The following TMEM230 variants were observed in gnomAD, a reference collection of about 807,000 sequenced individuals.
The protein encoded by TMEM230 is transmembrane protein 230, also known as UPF0414 transmembrane protein C20orf30.
TMEM230 carries 10 observed loss-of-function variants against 15.8 expected under a neutral mutation model. That is an observed-to-expected ratio of 0.63 (90% CI 0.39 to 1.07). TMEM230 has a LOEUF of 1.07. TMEM230 is among the 50% of genes least tolerant of loss of function. The pLI is 0.01. For missense variants in TMEM230, 165 were observed against 193.3 expected (o/e 0.85, Z 0.87); for synonymous variants, 67 against 76.9 (o/e 0.87, Z 0.68).
At position 5,106,272 on chromosome 20, in the gene TMEM230, G is replaced by C; in HGVS notation, c.327C>G (p.Ile109Met). ...TCAAAAACAGCACAGTGGCAAGTGC[G>C]ATGGCCTTATAAGGGATCTTAGGAG... The change falls in exon 4 of 5, where the codon ATC becomes ATG. Residue 109 changes from isoleucine to methionine, a missense_variant. Physicochemically the swap from Ile to Met is conservative, Grantham distance 10 (BLOSUM62 1). Transcript: ENST00000342308. The C allele has an allele frequency of 6.2e-7, 1 of 1,613,964 alleles. No individual in the cohort carries two copies. Among genetic ancestry groups the C allele is most frequent in the Non-Finnish European group, 8.5e-7 (1 of 1,179,956 alleles).
chr20:5,097,969 ATTTTTTTT>A (rs5840073), downstream of TMEM230, among the ~76,000 whole-genome samples: 4 of 67,252 alleles, frequency 5.9e-5, no homozygotes, highest in African/African-American at 1.9e-4. Flanking sequence ...CTAACTCAGG[ATTTTTTTT>A]TTTTTTTTTT....
intron 2 of TMEM230, among the ~76,000 whole-genome samples, chr20:5,111,335 G>A (rs1004827410): frequency 2.6e-5 from 4 of 151,532 alleles, no homozygotes; most frequent in African/African-American, 9.7e-5. Context: ...AACTGACCAG[G>A]CGCAGTGGCT....
intron 3 of TMEM230, among the ~76,000 whole-genome samples, chr20:5,094,167 C>A (rs1415001011): frequency 6.6e-6 from 1 of 150,746 alleles, no homozygotes; most frequent in Non-Finnish European, 1.5e-5. Flanking sequence ...CCATGGTGCT[C>A]AGGCTGGTCT....
At chr20:5,068,949 T>A in exon 4 of TMEM230, 1 of 420,330 alleles carries the variant, frequency 2.4e-6, no homozygotes, top group Non-Finnish European at 4.3e-6. Flanking sequence ...CCATGGGGAG[T>A]GGTCTGCGCC....
At chr20:5,084,018 C>T (rs1175414831) in intron 3 of TMEM230, among the ~76,000 whole-genome samples, 1 of 152,096 alleles carries the variant, frequency 6.6e-6, no homozygotes, top group African/African-American at 2.4e-5. Flanking sequence ...CACTCTCCAC[C>T]ATCAAGTAGG....
At chr20:5,103,003 C>T (rs933342964) in intron 4 of TMEM230, among the ~76,000 whole-genome samples, 3 of 152,162 alleles carry the variant, frequency 2.0e-5, no homozygotes, top group African/African-American at 4.8e-5. Context: ...GTGATAAAAT[C>T]GTATCAGCAG....
At chr20:5,106,398 TTA>T (rs1367101247) in intron 3 of TMEM230, 88 bp from the exon 3 acceptor site, 5 of 1,453,416 alleles carry the variant, frequency 3.4e-6, no homozygotes, top group Non-Finnish European at 4.6e-6. Context: ...TTTGTAATTT[TTA>T]TGTTTTTGTT....
downstream of TMEM230, among the ~76,000 whole-genome samples, chr20:5,065,197 A>C (rs2088640098): frequency 6.6e-6 from 1 of 152,040 alleles, no homozygotes; most frequent in South Asian, 2.1e-4. Flanking sequence ...GGTGGGAAAG[A>C]TCACCTGAGC....
rs1361997268 is a variant in TMEM230, at chr20:5,109,314, G to A, written c.288+18C>T. 6.3e-7 allele frequency: 1 copy of A among 1,592,270 alleles called. No homozygotes were observed. Among genetic ancestry groups the A allele is most frequent in the Non-Finnish European group, 8.6e-7 (1 of 1,163,478 alleles). ...GAAACACAGCCAGTCAGTCTTGTCA[G>A]TTCTCTTCTGCATTTACCTGAAGGT... On this transcript the variant is annotated intron_variant, in intron 3 of 4. Coordinates refer to ENST00000342308, the MANE Select transcript of TMEM230 (RefSeq NM_001009923.2).
intron 3 of TMEM230, among the ~76,000 whole-genome samples, chr20:5,076,101 C>G (rs2088985208): frequency 6.7e-6 from 1 of 149,620 alleles, no homozygotes; most frequent in African/African-American, 2.5e-5. Context: ...AGAGCAAGAC[C>G]CTGTCTAAAA....
At chr20:5,068,910 T>C in exon 4 of TMEM230, 1 of 347,138 alleles carries the variant, frequency 2.9e-6, no homozygotes, top group Non-Finnish European at 5.3e-6. Context: ...GGGACAGGAA[T>C]CCTCCTACCC....
the TMEM230 span, among the ~76,000 whole-genome samples, chr20:5,060,257 C>T: frequency 3.3e-5 from 5 of 151,476 alleles, no homozygotes; most frequent in African/African-American, 1.2e-4. Context: ...CACCTGTGTA[C>T]ACATCCCCAA....
the TMEM230 span, among the ~76,000 whole-genome samples, chr20:5,059,496 C>T: frequency 6.6e-6 from 1 of 152,106 alleles, no homozygotes; most frequent in Non-Finnish European, 1.5e-5. Context: ...GTGAGAAGAT[C>T]CCTCCCCAAA....
At chr20:5,085,315 G>A (rs2089303234) in intron 3 of TMEM230, among the ~76,000 whole-genome samples, 1 of 150,822 alleles carries the variant, frequency 6.6e-6, no homozygotes, top group Non-Finnish European at 1.5e-5. Context: ...TTGAGACAGA[G>A]TCTCACTCTG....
chr20:5,111,057 C>T, intron 2 of TMEM230: 1 of 152,122 alleles, frequency 6.6e-6, no homozygotes, highest in South Asian at 2.1e-4. Flanking sequence ...TGGCACACAC[C>T]TGTAATCCCA....
At chr20:5,104,838 T>A (rs1045056897) in intron 4 of TMEM230, among the ~76,000 whole-genome samples, 1 of 152,084 alleles carries the variant, frequency 6.6e-6, no homozygotes, top group African/African-American at 2.4e-5. Flanking sequence ...ATTGAACTCA[T>A]GGATATTGTA....
At chr20:5,112,839 A>AG in intron 1 of TMEM230, 122 bp downstream of exon 1, 3 of 1,540,386 alleles carry the variant, frequency 1.9e-6, no homozygotes, top group Non-Finnish European at 2.6e-6. Flanking sequence ...CAACTGTGCC[A>AG]GGGGGGACGA....
At chr20:5,102,578 T>C (rs2089913540) in intron 4 of TMEM230, among the ~76,000 whole-genome samples, 1 of 151,570 alleles carries the variant, frequency 6.6e-6, no homozygotes, top group African/African-American at 2.4e-5. Context: ...GTGGTCCCAG[T>C]TGCTAGTGAG....
intron 3 of TMEM230, among the ~76,000 whole-genome samples, chr20:5,080,274 T>C (rs2089141520): frequency 6.6e-6 from 1 of 152,338 alleles, no homozygotes; most frequent in Admixed American, 6.5e-5. Context: ...TCCTCTTGGT[T>C]TTTGTAAGTT....
Sources: allele counts gnomAD v4.1 joint callset (sites outside exome capture counted in the v4.1 genomes callset), GRCh38; gene constraint gnomAD v4.1.1; transcripts MANE v1.5; gene names NCBI Gene and HGNC (gene_info 2026-07-23, HGNC 2026-07-21).